The following COLEC12 variants were observed in gnomAD, a reference collection of about 807,000 sequenced individuals.
COLEC12 encodes the protein collectin subfamily member 12.
In COLEC12, 33 loss-of-function variants were observed where a neutral mutation model predicts 71.1. The observed-to-expected ratio is 0.46, with a 90% CI of 0.35 to 0.62. COLEC12 has a LOEUF of 0.62. COLEC12 is among the 20% of genes least tolerant of loss of function. COLEC12 has a pLI of 0.00. For missense variants in COLEC12, 765 were observed against 916.1 expected (o/e 0.84, Z 2.13); for synonymous variants, 350 against 353.0 (o/e 0.99, Z 0.10).
At chr18:368,744 T>C (rs1005017641) in intron 2 of COLEC12, among the ~76,000 whole-genome samples, 1 of 152,042 alleles carries the variant, frequency 6.6e-6, no homozygotes, top group Non-Finnish European at 1.5e-5. Flanking sequence ...CGGGCGCCTG[T>C]AGTCCCAGCT....
rs1423250681 is a variant in COLEC12 at position 500,666 on chromosome 18, C to CCCGCGCTCT, written c.-153_-152insAGAGCGCGG. 9.0e-6 allele frequency: 3 copies of CCCGCGCTCT among 332,082 alleles called. No homozygotes were observed. Among genetic ancestry groups the CCCGCGCTCT allele is most frequent in the African/African-American group, 8.9e-5 (3 of 33,544 alleles). The allele number at this position is 332,082 out of a possible 1,614,324, so 20.6% of individuals were successfully genotyped here. On this transcript the variant is annotated 5_prime_UTR_variant, in exon 1 of 10. Coordinates refer to ENST00000400256, the MANE Select transcript of COLEC12 (RefSeq NM_130386.3). The surrounding 1 kb of genome is among the most constrained non-coding windows in gnomAD (Gnocchi z 5.3). ...CCCCGTCCTCCCTCGCCGCCGCCGG[C>CCCGCGCTCT]CCGCGCTCCCCGCGCTCCCGGCTCC...
At position 480,432 on chromosome 18, in the gene COLEC12, G is replaced by A. The variant is rs1472031209; in HGVS notation, c.58+275C>T. On this transcript the variant is annotated intron_variant, in intron 2 of 9. Transcript: ENST00000400256. This position sits in a 1 kb window ranked among gnomAD's most constrained non-coding sequence, Gnocchi z 4.1. Reference sequence around the variant, plus strand: ...AGATTTGCCTTTCCCGCTACACTTTGTCTAGTAGGCTGTCTCTTTTCCATT... The same window carrying A: ...AGATTTGCCTTTCCCGCTACACTTTATCTAGTAGGCTGTCTCTTTTCCATT... 6.6e-6 allele frequency among the ~76,000 whole-genome samples: 1 copy of A among 152,138 alleles called. No individual in the cohort carries two copies. Among genetic ancestry groups the A allele is most frequent in the African/African-American group, 2.4e-5 (1 of 41,418 alleles).
chr18:321,334 G>A (rs1397325263), intron 9 of COLEC12, among the ~76,000 whole-genome samples: 2 of 152,186 alleles, frequency 1.3e-5, no homozygotes, highest in East Asian at 1.9e-4. Context: ...GATTACAGGC[G>A]TGAGCCACCG....
chr18:452,121 C>A (rs2143715534), intron 2 of COLEC12, among the ~76,000 whole-genome samples: 1 of 152,258 alleles, frequency 6.6e-6, no homozygotes, highest in East Asian at 1.9e-4. Flanking sequence ...TAGTGTTAAG[C>A]AGAATAGATA....
chr18:386,938 T>C (rs1372209307), intron 2 of COLEC12, among the ~76,000 whole-genome samples: 1 of 152,164 alleles, frequency 6.6e-6, no homozygotes, highest in Non-Finnish European at 1.5e-5. Context: ...TGAGGGGTTC[T>C]CCACGTAGTG....
At chr18:405,424 T>C (rs1915765515) in intron 2 of COLEC12, among the ~76,000 whole-genome samples, 1 of 152,214 alleles carries the variant, frequency 6.6e-6, no homozygotes, top group Non-Finnish European at 1.5e-5. Context: ...TAATAAAAAC[T>C]TGCTGGTCTG....
intron 2 of COLEC12, among the ~76,000 whole-genome samples, chr18:401,219 G>A (rs553410136): frequency 7.2e-5 from 11 of 152,280 alleles, no homozygotes; most frequent in African/African-American, 2.6e-4. Flanking sequence ...ATCTGCATTC[G>A]GAGGCTTGTA....
chr18:468,625 A>C (rs1461890384), intron 2 of COLEC12, among the ~76,000 whole-genome samples: 1 of 152,152 alleles, frequency 6.6e-6, no homozygotes, highest in African/African-American at 2.4e-5. Context: ...TTAATTCCCC[A>C]TCTTTGTCTT....
chr18:441,553 C>T (rs989196625), intron 2 of COLEC12, among the ~76,000 whole-genome samples: 24 of 152,144 alleles, frequency 1.6e-4, no homozygotes, highest in African/African-American at 5.8e-4. Context: ...CTGACGAGGA[C>T]GCTGTCCATA....
chr18:391,112 A>T (rs1915454457), intron 2 of COLEC12, among the ~76,000 whole-genome samples: 1 of 152,168 alleles, frequency 6.6e-6, no homozygotes, highest in African/African-American at 2.4e-5. Context: ...AAAGTCTCAG[A>T]TTTGGCTGTC....
At chr18:498,377 T>TTTTTTTG (rs1178071975) in intron 1 of COLEC12, among the ~76,000 whole-genome samples, 13 of 138,304 alleles carry the variant, frequency 9.4e-5, no homozygotes, top group Non-Finnish European at 3.1e-5. Context: ...TTTTTTTTTT[T>TTTTTTTG]AGACGGAGTC....
chr18:499,316 C>T (rs976575458), intron 1 of COLEC12, among the ~76,000 whole-genome samples: 1 of 152,220 alleles, frequency 6.6e-6, no homozygotes, highest in Non-Finnish European at 1.5e-5. Flanking sequence ...CCTCCCTTCC[C>T]GAGGTCTCCC....
chr18:482,364 T>G (rs1917438548), intron 1 of COLEC12, among the ~76,000 whole-genome samples: 1 of 152,040 alleles, frequency 6.6e-6, no homozygotes, highest in Admixed American at 6.6e-5. Flanking sequence ...TCCACCCACC[T>G]CAGCCTCCCA....
In COLEC12 at chr18:357,640, A is replaced by G. The variant is rs1914657587; in HGVS notation, c.59-118T>C. 6.8e-6 allele frequency: 5 copies of G among 730,452 alleles called. No individual in the cohort carries two copies. The South Asian group carries it at 9.3e-5, about 14-fold the overall frequency. 45.2% of individuals were successfully genotyped at this position (730,452 alleles called of 1,614,324 possible). A position where few individuals can be genotyped will look rare whatever the true frequency, so the allele number is the denominator to read the frequency against. On this transcript the variant is annotated intron_variant, in intron 2 of 9. Coordinates refer to ENST00000400256, the MANE Select transcript of COLEC12 (RefSeq NM_130386.3). ...ATAATTTTTACAAATGCCTTACTATACTATGAGAACTATTTTGACAGTAAA... is the reference window on the plus strand; with the variant it reads ...ATAATTTTTACAAATGCCTTACTATGCTATGAGAACTATTTTGACAGTAAA...
At chr18:490,189 GAGAGAATC>G (rs1349289136) in intron 1 of COLEC12, among the ~76,000 whole-genome samples, 1 of 152,232 alleles carries the variant, frequency 6.6e-6, no homozygotes, top group Non-Finnish European at 1.5e-5. Context: ...CACCTGGAGA[GAGAGAATC>G]ACTGGAGGAT....
chr18:381,477 AAATAAT>A (rs937803376), intron 2 of COLEC12, among the ~76,000 whole-genome samples: 8 of 152,214 alleles, frequency 5.3e-5, no homozygotes, highest in African/African-American at 1.7e-4. Flanking sequence ...GTGTCAATTA[AAATAAT>A]AATAATAAAG....
At chr18:457,699 G>C (rs773629998) in intron 2 of COLEC12, among the ~76,000 whole-genome samples, 3 of 152,180 alleles carry the variant, frequency 2.0e-5, no homozygotes, top group Non-Finnish European at 4.4e-5. Context: ...TCCATGAAGG[G>C]CTTCCTAGTC....
intron 3 of COLEC12, among the ~76,000 whole-genome samples, chr18:350,443 C>CCA (rs1220782055): frequency 1.3e-5 from 2 of 152,246 alleles, no homozygotes; most frequent in East Asian, 3.9e-4. Flanking sequence ...ACTAATACAG[C>CCA]CACACTAAAT....
At chr18:324,488 A>ACACG (rs1322169817) in intron 8 of COLEC12, among the ~76,000 whole-genome samples, 2 of 152,012 alleles carry the variant, frequency 1.3e-5, no homozygotes, top group East Asian at 3.9e-4. Context: ...AGCTGGAAAC[A>ACACG]CACACACACA....
Sources: gnomAD v4.1 joint callset for allele counts (sites outside exome capture counted in the v4.1 genomes callset) on GRCh38, gnomAD v4.1.1 for gene constraint, Gnocchi (gnomAD v3.1) non-coding constraint, MANE v1.5 for transcripts, NCBI Gene and HGNC (gene_info 2026-07-23, HGNC 2026-07-21) for gene names.